The following PRSS55 variants were observed in gnomAD, a reference collection of about 807,000 sequenced individuals.
The protein encoded by PRSS55 is probable serine protease UNQ9391/PRO34284.
PRSS55 carries 41 observed loss-of-function variants against 23.6 expected under a neutral mutation model. The ratio of observed to expected loss-of-function variants is 1.74; its 90% confidence interval spans 1.35 to 2.26. The LOEUF (loss-of-function observed/expected upper bound fraction) is 2.26, where lower values mean the gene tolerates loss of function less well. Ranked by LOEUF, PRSS55 falls within the 30% of genes most tolerant of loss-of-function variation. The pLI is 0.00. For missense variants in PRSS55, 669 were observed against 439.1 expected (o/e 1.52, Z -4.68); for synonymous variants, 262 against 175.5 (o/e 1.49, Z -3.90).
chr8:10,544,095 G>A (rs1433260009), intron 4 of PRSS55, among the ~76,000 whole-genome samples: 1 of 151,964 alleles, frequency 6.6e-6, no homozygotes, highest in Non-Finnish European at 1.5e-5. Context: ...CTGTATAGTT[G>A]TTCTATCCAT....
chr8:10,550,068 G>T (rs191673113), intron 4 of PRSS55, among the ~76,000 whole-genome samples: 4 of 152,046 alleles, frequency 2.6e-5, no homozygotes, highest in Admixed American at 1.3e-4. Flanking sequence ...ACAGGTGCGC[G>T]CCACCATGCC....
intron 4 of PRSS55, chr8:10,544,893 A>C: frequency 2.0e-6 from 1 of 492,102 alleles, no homozygotes. Context: ...TACATTATTT[A>C]ACTTTATGTC....
chr8:10,532,054 T>TC (rs1372313571), intron 3 of PRSS55, among the ~76,000 whole-genome samples: 1 of 151,506 alleles, frequency 6.6e-6, no homozygotes, highest in Non-Finnish European at 1.5e-5. Context: ...CGCTGGACTG[T>TC]CCCCCAAAAA....
chr8:10,531,321 G>T lies in PRSS55; in HGVS notation c.374G>T (p.Gly125Val). ...CCAGAAGAACTGAGTGTCGTGCTGG[G>T]GACCAACGACTTAACTAGCCCATCC... ...LFPEELSVVLGTNDLTSPSME... is the reference protein window; with the variant it reads ...LFPEELSVVLVTNDLTSPSME... The change falls in exon 3 of 5, where the codon GGG (glycine) becomes GTG (valine). Residue 125 changes from glycine to valine, a missense_variant. Coordinates refer to ENST00000328655, the MANE Select transcript of PRSS55 (RefSeq NM_198464.4). The T allele has an allele frequency of 6.2e-7, 1 of 1,614,070 alleles. No homozygotes were observed. The highest frequency in any genetic ancestry group is 8.5e-7 in the Non-Finnish European group (1 of 1,180,030).
At chr8:10,534,393 TA>T (rs527501580) in intron 4 of PRSS55, among the ~76,000 whole-genome samples, 52 of 152,334 alleles carry the variant, frequency 3.4e-4, no homozygotes, top group Admixed American at 2.2e-3. Context: ...GAGTTTGTTA[TA>T]ATACTCCATT....
intron 1 of PRSS55, among the ~76,000 whole-genome samples, chr8:10,528,267 T>G (rs1228282491): frequency 6.6e-6 from 1 of 151,414 alleles, no homozygotes; most frequent in East Asian, 1.9e-4. Context: ...AGGCTCTGGA[T>G]GCACATTGCT....
intron 4 of PRSS55, among the ~76,000 whole-genome samples, chr8:10,546,335 C>T (rs775970367): frequency 1.1e-4 from 17 of 152,172 alleles, no homozygotes; most frequent in Non-Finnish European, 1.6e-4. Flanking sequence ...AAAGCTTAGC[C>T]GCATGACCCC....
intron 4 of PRSS55, 85 bp from the exon 5 acceptor site, chr8:10,538,391 G>C: frequency 7.4e-6 from 8 of 1,082,474 alleles, no homozygotes; most frequent in Admixed American, 2.4e-5. Context: ...GGAGGCTGAG[G>C]AATCTTCCAT....
downstream of PRSS55, among the ~76,000 whole-genome samples, chr8:10,543,478 CTCTTTTTT>C (rs1328171296): frequency 9.8e-6 from 1 of 101,634 alleles, no homozygotes; most frequent in Admixed American, 1.1e-4. Flanking sequence ...CTTTCTTTCT[CTCTTTTTT>C]TTTTTTTTCC....
downstream of PRSS55, chr8:10,540,666 G>T (rs1319654678): frequency 6.6e-6 from 1 of 152,082 alleles, no homozygotes; most frequent in Non-Finnish European, 1.5e-5. Context: ...AATGAGCGGA[G>T]ATCACGCCAC....
At position 10,553,344 on chromosome 8, in the gene PRSS55, G is replaced by C. The variant is rs115639891; in HGVS notation, c.742-599G>C. On this transcript the variant is annotated intron_variant, in intron 4 of 4. Transcript: ENST00000522210. Reference sequence around the variant, plus strand: ...TTTTTAATAAATTACCTAGTTTTGGGTATGTCTTTATGGCAGTGTGAGAAT... The same window carrying C: ...TTTTTAATAAATTACCTAGTTTTGGCTATGTCTTTATGGCAGTGTGAGAAT... 9.2e-3 allele frequency among the ~76,000 whole-genome samples: 1,403 copies of C among 152,256 alleles called. 22 individuals are homozygous for C. The highest frequency in any genetic ancestry group is 0.032 in the African/African-American group (1,344 of 41,536).
Position 10,525,725 on chromosome 8 carries a change from C to T in PRSS55, c.140C>T (p.Pro47Leu), listed in dbSNP as rs780054130. 6.2e-7 allele frequency: 1 copy of T among 1,607,942 alleles called. No homozygotes were observed. The highest frequency in any genetic ancestry group is 8.5e-7 in the Non-Finnish European group (1 of 1,177,376). The stretch of plus-strand genomic sequence containing the variant: ...CACCGCCCTCAGCCCCCTCATCCCC[C>T]CAGCCCAGTCAGTGGTGAGTACAGG... ...GAHRPQPPHP[P>L]SPVSECGDRS... is the part of the protein sequence containing the mutation. The change falls in exon 1 of 5, where the codon CCC becomes CTC. Residue 47 changes from proline to leucine, a missense_variant. Transcript: ENST00000328655.
At chr8:10,527,525 G>C (rs531983813) in intron 1 of PRSS55, among the ~76,000 whole-genome samples, 8 of 152,380 alleles carry the variant, frequency 5.3e-5, no homozygotes, top group African/African-American at 1.9e-4. Context: ...ACCAGGATGG[G>C]AGGGGCTGTT....
chr8:10,533,846 T>C (rs4841371), intron 4 of PRSS55, among the ~76,000 whole-genome samples: 58,289 of 151,970 alleles, frequency 0.38, 11,400 homozygotes, highest in African/African-American at 0.46. Flanking sequence ...GGCTGCCCCA[T>C]GGAAAAGAAA....
chr8:10,526,087 A>C (rs1812012365), intron 1 of PRSS55, among the ~76,000 whole-genome samples: 1 of 152,106 alleles, frequency 6.6e-6, no homozygotes, highest in African/African-American at 2.4e-5. Flanking sequence ...ACAGACACCC[A>C]GGGATGCCTA....
At position 10,531,361 on chromosome 8, in the gene PRSS55, G is replaced by T. The variant is rs1044835156; in HGVS notation, c.414G>T (p.Glu138Asp). Residue 138 changes from glutamate (E) to aspartate (D), a missense_variant, in exon 3 of 5, where the codon GAG (glutamate) becomes GAT (aspartate). By Grantham distance (45) the Glu-to-Asp change is conservative. Coordinates refer to ENST00000328655, the MANE Select transcript of PRSS55 (RefSeq NM_198464.4). ...DLTSPSMEIKEVASIILHKDF... is the reference protein window; with the variant it reads ...DLTSPSMEIKDVASIILHKDF... ...CTAGCCCATCCATGGAAATAAAGGAGGTCGCCAGCATCATTCTTCACAAAG... is the reference window on the plus strand; with the variant it reads ...CTAGCCCATCCATGGAAATAAAGGATGTCGCCAGCATCATTCTTCACAAAG... 3.1e-6 allele frequency: 5 copies of T among 1,614,154 alleles called. No homozygotes were observed. Among genetic ancestry groups the T allele is most frequent in the South Asian group, 2.2e-5 (2 of 91,076 alleles).
At chr8:10,532,806 G>T in intron 3 of PRSS55, 100 bp from the exon 4 acceptor site, 2 of 1,459,166 alleles carry the variant, frequency 1.4e-6, no homozygotes, top group Non-Finnish European at 1.9e-6. Flanking sequence ...GAAGGGGATG[G>T]GGGCTGGGGG....
In PRSS55 at chr8:10,538,556, G is replaced by T. The variant is rs753600571; in HGVS notation, c.822G>T (p.Lys274Asn). Reference protein sequence around the residue: ...WYQVGIISWGKSCGEKNTPGI... With the variant: ...WYQVGIISWGNSCGEKNTPGI... Reference sequence around the variant, plus strand: ...AGGTGGGCATCATAAGCTGGGGAAAGAGCTGTGGAGAGAAGAACACCCCAG... The same window carrying T: ...AGGTGGGCATCATAAGCTGGGGAAATAGCTGTGGAGAGAAGAACACCCCAG... Residue 274 changes from lysine to asparagine, a missense_variant, in exon 5 of 5, where the codon AAG becomes AAT. Physicochemically the swap from Lys to Asn is moderately conservative, Grantham distance 94. Transcript: ENST00000328655. The T allele has an allele frequency of 3.1e-6, 5 of 1,614,050 alleles. No individual in the cohort carries two copies. The South Asian group carries it at 3.3e-5, about 11-fold the overall frequency.
intron 4 of PRSS55, among the ~76,000 whole-genome samples, chr8:10,545,787 T>G (rs947275240): frequency 3.3e-5 from 5 of 152,372 alleles, no homozygotes; most frequent in Admixed American, 1.3e-4. Flanking sequence ...CTCAGCGTCC[T>G]AGCCCAGAAT....
Sources: allele counts gnomAD v4.1 joint callset (sites outside exome capture counted in the v4.1 genomes callset), GRCh38; gene constraint gnomAD v4.1.1; transcripts MANE v1.5; gene names NCBI Gene and HGNC (gene_info 2026-07-23, HGNC 2026-07-21).